Variants in KLF13 observed in about 807,000 individuals in gnomAD.
The protein encoded by KLF13 is Krueppel-like factor 13.
Under a neutral mutation model 16.7 loss-of-function variants are expected in KLF13, and 8 were observed. That is an observed-to-expected ratio of 0.48 (90% CI 0.28 to 0.87). The LOEUF is 0.87. Ranked by LOEUF, KLF13 falls within the 40% of genes least tolerant of loss-of-function variation. The probability of loss-of-function intolerance (pLI) is 0.10; values close to 1 mark genes in which losing one functional copy is unlikely to be tolerated. For synonymous variants in KLF13, 245 were observed against 208.4 expected, an observed-to-expected ratio of 1.18 and a Z score of -1.51; for missense variants, 447 against 452.2, an observed-to-expected ratio of 0.99 and a Z score of 0.10.
In KLF13 at chr15:31,363,492, T is replaced by A. The variant is rs2039419671; in HGVS notation, c.578-8518T>A. Among the ~76,000 whole-genome samples, 5 of 152,056 alleles carry A rather than the reference T, an allele frequency of 3.3e-5. No homozygotes were observed. The South Asian group carries it at 1.0e-3, about 31-fold the overall frequency. On this transcript the variant is annotated intron_variant, in intron 1 of 1. Coordinates refer to ENST00000307145, the MANE Select transcript of KLF13 (RefSeq NM_015995.4). ...TACTGTTTTGTGCAGTCAAATAGAT[T>A]GATTGATTGATTGAGACTGAGTCTC...
chr15:31,397,874 C>CGGGGG (rs139315375), intron 2 of KLF13, among the ~76,000 whole-genome samples: 4 of 90,406 alleles, frequency 4.4e-5, no homozygotes, highest in South Asian at 3.5e-4. Flanking sequence ...GGGGTGGCGG[C>CGGGGG]GGGGGGGGTG....
intron 1 of KLF13, among the ~76,000 whole-genome samples, chr15:31,428,820 A>AAAAAAAAAAAAAAAAG (rs61521558): frequency 2.5e-4 from 18 of 72,652 alleles, no homozygotes; most frequent in Non-Finnish European, 2.6e-4. Flanking sequence ...AAAAAAAAAA[A>AAAAAAAAAAAAAAAAG]AAAAAGAAAA....
chr15:31,333,399 C>T (rs2038868312), intron 1 of KLF13, among the ~76,000 whole-genome samples: 1 of 152,128 alleles, frequency 6.6e-6, no homozygotes, highest in Non-Finnish European at 1.5e-5. Flanking sequence ...GTGAGCAGGG[C>T]CCTGTGGTAG....
At chr15:31,383,456 A>G (rs1235035421) in intron 1 of KLF13, among the ~76,000 whole-genome samples, 3 of 152,254 alleles carry the variant, frequency 2.0e-5, no homozygotes, top group Admixed American at 6.5e-5. Context: ...AGTGAGGGTC[A>G]CAGGGCCAGG....
downstream of KLF13, among the ~76,000 whole-genome samples, chr15:31,382,020 C>A (rs2039733553): frequency 6.6e-6 from 1 of 152,190 alleles, no homozygotes; most frequent in South Asian, 2.1e-4. Context: ...GGGAAGCAAG[C>A]TTGGCATGGT....
chr15:31,350,411 T>C (rs2039198094), intron 1 of KLF13, among the ~76,000 whole-genome samples: 1 of 152,244 alleles, frequency 6.6e-6, no homozygotes, highest in Non-Finnish European at 1.5e-5. Context: ...GGTGGACACC[T>C]GTGAACTTCA....
intron 1 of KLF13, among the ~76,000 whole-genome samples, chr15:31,345,943 T>G (rs971841725): frequency 1.4e-4 from 22 of 152,134 alleles, no homozygotes; most frequent in Non-Finnish European, 4.4e-5. Context: ...TTGTAGGCAC[T>G]GATGGGGGTT....
At position 31,402,133 on chromosome 15, in the gene KLF13, G is replaced by T. The variant is rs529941372; in HGVS notation, n.530-1295G>T. 3.3e-5 allele frequency among the ~76,000 whole-genome samples: 5 copies of T among 152,324 alleles called. No homozygotes were observed. In the East Asian group the frequency reaches 9.7e-4, roughly 29 times the overall value. ...CATGTCCAGGACACAACCTCTGATC[G>T]AGGCTGTCAGGGGGCCCAAAGAAGG... is the stretch of plus-strand genomic sequence containing the variant. On this transcript the variant is annotated intron_variant and non_coding_transcript_variant, in intron 2 of 2. Coordinates refer to the KLF13 transcript ENST00000500533.
intron 1 of KLF13, among the ~76,000 whole-genome samples, chr15:31,423,852 C>A (rs2040372332): frequency 6.6e-6 from 1 of 152,020 alleles, no homozygotes; most frequent in Non-Finnish European, 1.5e-5. Flanking sequence ...AAATCAATAG[C>A]AAAAGGAAAA....
intron 1 of KLF13, among the ~76,000 whole-genome samples, chr15:31,364,739 C>G (rs1286088486): frequency 6.6e-6 from 1 of 152,256 alleles, no homozygotes; most frequent in African/African-American, 2.4e-5. Flanking sequence ...ACAGCTCACT[C>G]TCTCCTCCTG....
intron 1 of KLF13, among the ~76,000 whole-genome samples, chr15:31,338,773 G>A (rs2038974790): frequency 6.6e-6 from 1 of 152,076 alleles, no homozygotes; most frequent in African/African-American, 2.4e-5. Context: ...GTTAATGGAT[G>A]GGAACTGAGC....
chr15:31,422,452 A>T (rs1297430724), intron 1 of KLF13, among the ~76,000 whole-genome samples: 1 of 152,080 alleles, frequency 6.6e-6, no homozygotes, highest in Non-Finnish European at 1.5e-5. Flanking sequence ...AAACCATCAG[A>T]TCTCCTAAGA....
chr15:31,354,947 T>C (rs2140951417), intron 1 of KLF13, among the ~76,000 whole-genome samples: 1 of 152,224 alleles, frequency 6.6e-6, no homozygotes, highest in Non-Finnish European at 1.5e-5. Context: ...AAGCAAAAAA[T>C]CCAAAGCCTG....
intron 1 of KLF13, among the ~76,000 whole-genome samples, chr15:31,335,421 T>TTGTGTGTGTGTG (rs1166932948): frequency 3.7e-5 from 4 of 108,040 alleles, no homozygotes; most frequent in Non-Finnish European, 2.0e-5. Context: ...CTGTTGGGCA[T>TTGTGTGTGTGTG]TGTGTGTGTG....
chr15:31,405,721 C>T (rs914819724), downstream of KLF13, among the ~76,000 whole-genome samples: 1 of 152,192 alleles, frequency 6.6e-6, no homozygotes, highest in African/African-American at 2.4e-5. Flanking sequence ...CCAGCCTTCC[C>T]AGGAAGGGGA....
intron 1 of KLF13, among the ~76,000 whole-genome samples, chr15:31,409,905 G>A (rs967432132): frequency 4.6e-5 from 7 of 152,036 alleles, no homozygotes; most frequent in Non-Finnish European, 8.8e-5. Context: ...AAAAAAATAC[G>A]ATACCAACAG....
intron 1 of KLF13, among the ~76,000 whole-genome samples, chr15:31,355,540 T>G (rs1192822264): frequency 1.3e-5 from 2 of 152,174 alleles, no homozygotes; most frequent in Non-Finnish European, 2.9e-5. Flanking sequence ...GCCTTTGGTA[T>G]TTACCTTTCC....
At chr15:31,392,127 C>A (rs1595493863), upstream of KLF13, among the ~76,000 whole-genome samples, 1 of 152,170 alleles carries the variant, frequency 6.6e-6, no homozygotes, top group Admixed American at 6.5e-5. Flanking sequence ...CCCAGGCCCT[C>A]GCGGCCGCCG....
chr15:31,336,700 C>T (rs552583566), intron 1 of KLF13, among the ~76,000 whole-genome samples: 36 of 152,188 alleles, frequency 2.4e-4, no homozygotes, highest in East Asian at 1.7e-3. Context: ...AGAGCGAAGG[C>T]GTATGTGAGT....
Sources: allele counts gnomAD v4.1 joint callset (sites outside exome capture counted in the v4.1 genomes callset), GRCh38; gene constraint gnomAD v4.1.1; transcripts MANE v1.5; gene names NCBI Gene and HGNC (gene_info 2026-07-23, HGNC 2026-07-21).